ZNF18: variants seen among roughly 807,000 people sequenced by gnomAD.
The protein encoded by ZNF18 is heart development-specific gene 1 protein.
Under a neutral mutation model 58.1 loss-of-function variants are expected in ZNF18, and 42 were observed. The ratio of observed to expected loss-of-function variants is 0.72; its 90% CI spans 0.56 to 0.93. The LOEUF (loss-of-function observed/expected upper bound fraction) is 0.93, where lower values mean the gene tolerates loss of function less well. Ranked by LOEUF, ZNF18 falls within the 40% of genes least tolerant of loss-of-function variation. ZNF18 has a pLI of 0.00. For missense variants in ZNF18, 540 were observed against 644.2 expected, an observed-to-expected ratio of 0.84 and a Z score of 1.75; for synonymous variants, 231 against 239.8, an observed-to-expected ratio of 0.96 and a Z score of 0.34.
intron 4 of ZNF18, among the ~76,000 whole-genome samples, chr17:11,987,368 CT>C (rs1967819408): frequency 6.6e-6 from 1 of 152,130 alleles, no homozygotes; most frequent in Admixed American, 6.5e-5. Flanking sequence ...AAGTTCCTCA[CT>C]TATTTAAGAG....
intron 4 of ZNF18, among the ~76,000 whole-genome samples, chr17:11,988,860 TAA>T (rs1029027505): frequency 6.6e-6 from 1 of 150,418 alleles, no homozygotes; most frequent in Non-Finnish European, 1.5e-5. Flanking sequence ...CACAAAAATT[TAA>T]AAATTAGCCA....
chr17:11,992,817 A>T lies in ZNF18; in HGVS notation c.13T>A (p.Leu5Met). 1 of 1,612,056 alleles carries T rather than the reference A, an allele frequency of 6.2e-7. No individual in the cohort carries two copies. Among genetic ancestry groups the T allele is most frequent in the Non-Finnish European group, 8.5e-7 (1 of 1,179,348 alleles). The stretch of plus-strand genomic sequence containing the variant: ...GGCAGCAGGCCTAGGGCCTGCCCCA[A>T]GTCAACGGGCATTGTCCAGCCTGGC... MPVD[L>M]GQALGLLPSL... The change falls in exon 2 of 7, where the codon TTG (leucine) becomes ATG (methionine). Residue 5 changes from leucine to methionine, a missense_variant. By Grantham distance (15) the Leu-to-Met change is conservative. Transcript: ENST00000580306.
Position 11,978,104 on chromosome 17 carries a change from G to A in ZNF18, c.1503C>T (p.Phe501=). 4 of 1,614,138 alleles carry A rather than the reference G, an allele frequency of 2.5e-6. No individual in the cohort carries two copies. The highest frequency in any genetic ancestry group is 3.4e-6 in the Non-Finnish European group (4 of 1,180,026). The change falls in exon 7 of 7, where the codon TTC becomes TTT. Residue 501 remains phenylalanine (F), a synonymous_variant. Transcript: ENST00000580306. Reference sequence around the variant, plus strand: ...GTCTATTAAAGTTTGATCTCTGAATGAAACTTTTCTCACAGATAGGACATT... The same window carrying A: ...GTCTATTAAAGTTTGATCTCTGAATAAAACTTTTCTCACAGATAGGACATT... ...PYKCPICEKS[F]IQRSNFNRHQ... is the part of the protein sequence containing the mutation.
At chr17:11,989,158 C>CA (rs34643808) in intron 4 of ZNF18, among the ~76,000 whole-genome samples, 2,371 of 119,898 alleles carry the variant, frequency 0.02, 39 homozygotes, top group African/African-American at 0.051. Flanking sequence ...GACCCTGTCT[C>CA]AAAAAAAAAA....
chr17:12,018,962 AT>A, the ZNF18 span, among the ~76,000 whole-genome samples: 5 of 150,372 alleles, frequency 3.3e-5, no homozygotes, highest in African/African-American at 7.3e-5. Context: ...ATATATACAT[AT>A]TTTTTTTAAT....
chr17:11,978,732 T>G lies in ZNF18; in HGVS notation c.875A>C (p.Glu292Ala). ...PRPTCIGDRQ[E>A]NDKENLNLEN... Reference sequence around the variant, plus strand: ...CAAATTTAGGTTCTCCTTGTCATTCTCTTGTCTATCTCCTAAAAGAAGAAA... The same window carrying G: ...CAAATTTAGGTTCTCCTTGTCATTCGCTTGTCTATCTCCTAAAAGAAGAAA... Residue 292 changes from glutamate (E) to alanine (A), a missense_variant, in exon 7 of 7, where the codon GAG becomes GCG. Glu to Ala is a moderately radical substitution (Grantham distance 107). Transcript: ENST00000580306. The G allele has an allele frequency of 2.5e-6, 4 of 1,591,658 alleles. No individual in the cohort carries two copies. Among genetic ancestry groups the G allele is most frequent in the Non-Finnish European group, 3.4e-6 (4 of 1,174,930 alleles).
chr17:12,009,827 T>G, the ZNF18 span, among the ~76,000 whole-genome samples: 2 of 152,148 alleles, frequency 1.3e-5, no homozygotes, highest in South Asian at 2.1e-4. Flanking sequence ...ATACCCTAAC[T>G]TTGCTTCTTG....
the ZNF18 span, among the ~76,000 whole-genome samples, chr17:12,005,495 T>C: frequency 6.6e-6 from 1 of 152,192 alleles, no homozygotes. Flanking sequence ...CATCAAAATT[T>C]TTTGCTTAAT....
the ZNF18 span, among the ~76,000 whole-genome samples, chr17:12,003,499 T>C: frequency 6.6e-6 from 1 of 150,902 alleles, no homozygotes; most frequent in Admixed American, 6.6e-5. Context: ...AATGACTTCC[T>C]ATAGTGCCTA....
chr17:11,989,561 A>C (rs1209482363), intron 4 of ZNF18, among the ~76,000 whole-genome samples: 1 of 152,222 alleles, frequency 6.6e-6, no homozygotes, highest in East Asian at 1.9e-4. Context: ...AAACTTCTAG[A>C]GGTGAAAAAT....
At chr17:12,020,780 C>T in the ZNF18 span, 5 of 453,772 alleles carry the variant, frequency 1.1e-5, no homozygotes, top group Non-Finnish European at 1.7e-5. Context: ...CGGGGCGTGT[C>T]GGAGGCGGGG....
intron 1 of ZNF18, among the ~76,000 whole-genome samples, chr17:11,994,319 G>A (rs1968326655): frequency 6.6e-6 from 1 of 151,820 alleles, no homozygotes; most frequent in African/African-American, 2.4e-5. Flanking sequence ...TTTTTTTCAA[G>A]GGCCTGAGAA....
the ZNF18 span, among the ~76,000 whole-genome samples, chr17:12,013,353 T>C: frequency 6.6e-6 from 1 of 152,268 alleles, no homozygotes; most frequent in African/African-American, 2.4e-5. Context: ...CTTATTGTGT[T>C]TTTTGCTAAG....
Position 11,991,468 on chromosome 17 carries a change from T to C in ZNF18, c.388-305A>G, listed in dbSNP as rs140599141. On this transcript the variant is annotated intron_variant, in intron 2 of 6. Coordinates refer to ENST00000580306, the MANE Select transcript of ZNF18 (RefSeq NM_001303281.2). ...AAATAACTTCTCAAACATTCTAGTC[T>C]AAAGGTGGAATGCGCTGGGAGACTT... Among the ~76,000 whole-genome samples the C allele has an allele frequency of 2.1e-3, 315 of 152,284 alleles. 3 individuals are homozygous for C. The highest frequency in any genetic ancestry group is 7.1e-3 in the African/African-American group (295 of 41,564).
the ZNF18 span, among the ~76,000 whole-genome samples, chr17:12,014,142 A>C: frequency 6.6e-6 from 1 of 152,270 alleles, no homozygotes; most frequent in African/African-American, 2.4e-5. Flanking sequence ...GATAATAACA[A>C]GTGCTGGTGA....
At chr17:11,996,067 T>A (rs1296768169) in intron 1 of ZNF18, among the ~76,000 whole-genome samples, 1 of 152,012 alleles carries the variant, frequency 6.6e-6, no homozygotes, top group African/African-American at 2.4e-5. Flanking sequence ...TCAATAACAA[T>A]AACTAGAAAA....
chr17:12,003,388 C>T, the ZNF18 span, among the ~76,000 whole-genome samples: 5 of 149,200 alleles, frequency 3.4e-5, no homozygotes, highest in African/African-American at 1.2e-4. Flanking sequence ...TGCAGTGAGC[C>T]GAGATAGTGC....
At chr17:11,997,608 G>A (rs1968560983), upstream of ZNF18, 1 of 152,316 alleles carries the variant, frequency 6.6e-6, no homozygotes, top group African/African-American at 2.4e-5. Flanking sequence ...TTGCAGCCCA[G>A]GAGCCTCCAC....
chr17:11,984,315 A>C, intron 4 of ZNF18, 118 bp from the exon 5 acceptor site: 1 of 963,644 alleles, frequency 1.0e-6, no homozygotes, highest in Non-Finnish European at 1.5e-6. Flanking sequence ...GATCCTGGCC[A>C]TCGCAAGACC....
Sources: gnomAD v4.1 joint callset for allele counts (sites outside exome capture counted in the v4.1 genomes callset) on GRCh38, gnomAD v4.1.1 for gene constraint, MANE v1.5 for transcripts, NCBI Gene and HGNC (gene_info 2026-07-23, HGNC 2026-07-21) for gene names.